Variants in TTC39B observed in about 807,000 individuals in gnomAD.
TTC39B encodes the protein tetratricopeptide repeat protein 39B.
Under a neutral mutation model 96.6 loss-of-function variants are expected in TTC39B, and 92 were observed. The ratio of observed to expected loss-of-function variants is 0.95; its 90% CI spans 0.80 to 1.13. The LOEUF is 1.13. Among genes scored for constraint, TTC39B ranks in the 50% most tolerant of loss-of-function variants. The pLI is 0.00. For synonymous variants in TTC39B, 367 were observed against 299.4 expected (o/e 1.23, Z -2.33); for missense variants, 955 against 809.3 (o/e 1.18, Z -2.18).
chr9:15,274,461 T>G (rs1252056511), intron 1 of TTC39B, among the ~76,000 whole-genome samples: 1 of 152,236 alleles, frequency 6.6e-6, no homozygotes, highest in African/African-American at 2.4e-5. Flanking sequence ...GCAAATGTAA[T>G]AATCAGCTTC....
chr9:15,184,630 C>T (rs1005029758), intron 16 of TTC39B, among the ~76,000 whole-genome samples: 3 of 152,184 alleles, frequency 2.0e-5, no homozygotes, highest in East Asian at 1.9e-4. Flanking sequence ...GCCTAAATGG[C>T]ATAAAGTTTA....
At chr9:15,203,853 G>A (rs1449403848) in exon 7 of TTC39B, 2 of 1,613,216 alleles carry the variant, frequency 1.2e-6, no homozygotes, top group African/African-American at 2.7e-5. Context: ...CTTTCTGTAG[G>A]AGACACTCGG....
intron 2 of TTC39B, among the ~76,000 whole-genome samples, chr9:15,246,450 A>T (rs1395525214): frequency 6.6e-6 from 1 of 152,098 alleles, no homozygotes; most frequent in African/African-American, 2.4e-5. Flanking sequence ...AAGGACAGAG[A>T]CCAAAAATTT....
intron 2 of TTC39B, among the ~76,000 whole-genome samples, chr9:15,254,796 A>G (rs1822687521): frequency 6.6e-6 from 1 of 151,716 alleles, no homozygotes; most frequent in Non-Finnish European, 1.5e-5. Context: ...GAATCCCTTA[A>G]GCCAATGGGA....
chr9:15,178,347 A>G (rs1033509326), intron 17 of TTC39B, among the ~76,000 whole-genome samples: 3 of 152,124 alleles, frequency 2.0e-5, no homozygotes, highest in Non-Finnish European at 4.4e-5. Flanking sequence ...CCAAGGTGGG[A>G]AGCTCACTTG....
At chr9:15,184,479 C>G (rs950643519) in intron 16 of TTC39B, among the ~76,000 whole-genome samples, 2 of 150,244 alleles carry the variant, frequency 1.3e-5, no homozygotes, top group Non-Finnish European at 2.9e-5. Flanking sequence ...ATCGGTTACA[C>G]TGAACAGCTT....
chr9:15,233,768 C>T (rs1353219032), intron 2 of TTC39B, among the ~76,000 whole-genome samples: 6 of 152,144 alleles, frequency 3.9e-5, no homozygotes, highest in Non-Finnish European at 7.4e-5. Flanking sequence ...AGCCTCTGCC[C>T]GGCCGCCACC....
chr9:15,302,072 C>T (rs984840198), intron 1 of TTC39B, among the ~76,000 whole-genome samples: 1 of 152,236 alleles, frequency 6.6e-6, no homozygotes, highest in South Asian at 2.1e-4. Context: ...CCTGTAATCC[C>T]AGCACATTGG....
At chr9:15,185,927 T>G (rs1226988574) in intron 15 of TTC39B, among the ~76,000 whole-genome samples, 4 of 152,198 alleles carry the variant, frequency 2.6e-5, no homozygotes, top group African/African-American at 4.8e-5. Context: ...AGAAAATGTT[T>G]CCCAAGCACA....
At chr9:15,299,569 G>T in intron 1 of TTC39B, among the ~76,000 whole-genome samples, 1 of 152,074 alleles carries the variant, frequency 6.6e-6, no homozygotes, top group East Asian at 1.9e-4. Context: ...GGTGGCCAAT[G>T]GGAGGCTCAA....
At chr9:15,169,495 C>T (rs1411322827) in exon 20 of TTC39B, 1 of 152,030 alleles carries the variant, frequency 6.6e-6, no homozygotes, top group African/African-American at 2.4e-5. Flanking sequence ...CACTGTCAGA[C>T]ACAATGGCAA....
chr9:15,306,586 A>G lies in TTC39B; in HGVS notation c.240+498T>C, dbSNP rs901007226. ...GGTACCCCTCTACTCATTGTTCCTC[A>G]GGCTGCCCCCTCTTTTCATCAATCG... is the stretch of plus-strand genomic sequence containing the variant. On this transcript the variant is annotated intron_variant, in intron 1 of 19. Transcript: ENST00000512701. This position sits in a 1 kb window ranked among gnomAD's most constrained non-coding sequence, Gnocchi z 5.1. Among the ~76,000 whole-genome samples the G allele has an allele frequency of 2.6e-4, 39 of 152,138 alleles. No homozygotes were observed. Among genetic ancestry groups the G allele is most frequent in the African/African-American group, 9.4e-4 (39 of 41,450 alleles).
At chr9:15,167,985 G>C (rs575745987) in exon 20 of TTC39B, 3 of 152,272 alleles carry the variant, frequency 2.0e-5, no homozygotes, top group Admixed American at 6.5e-5. Context: ...ACGATCAAAT[G>C]AAAGTTTAAG....
intron 2 of TTC39B, among the ~76,000 whole-genome samples, chr9:15,237,555 A>C (rs563826818): frequency 2.6e-5 from 4 of 152,232 alleles, no homozygotes; most frequent in African/African-American, 4.8e-5. Context: ...ATTCCTGAAA[A>C]CATACAAACT....
intron 8 of TTC39B, among the ~76,000 whole-genome samples, chr9:15,195,296 G>C (rs1038959237): frequency 6.6e-6 from 1 of 152,152 alleles, no homozygotes; most frequent in Non-Finnish European, 1.5e-5. Context: ...AAGGCTGAGA[G>C]AGGTGAGGAA....
chr9:15,166,815 G>T (rs1817525576), exon 20 of TTC39B: 1 of 150,890 alleles, frequency 6.6e-6, no homozygotes, highest in African/African-American at 2.4e-5. Flanking sequence ...TTTATTATTT[G>T]TAAGTAGTTT....
chr9:15,269,690 A>C (rs1410387830), intron 1 of TTC39B, among the ~76,000 whole-genome samples: 3 of 145,682 alleles, frequency 2.1e-5, no homozygotes. Context: ...TCTCTCTACT[A>C]AAAAATACAA....
At chr9:15,208,956 A>C (rs991602416) in intron 6 of TTC39B, among the ~76,000 whole-genome samples, 1 of 152,200 alleles carries the variant, frequency 6.6e-6, no homozygotes, top group Non-Finnish European at 1.5e-5. Flanking sequence ...GACCATTAGA[A>C]ACTACTCTGA....
chr9:15,305,684 G>A (rs1293228964), intron 1 of TTC39B, among the ~76,000 whole-genome samples: 1 of 149,846 alleles, frequency 6.7e-6, no homozygotes, highest in Non-Finnish European at 1.5e-5. Flanking sequence ...CTCCTCATCG[G>A]CTAATGCATC....
Sources: gnomAD v4.1 joint callset for allele counts (sites outside exome capture counted in the v4.1 genomes callset) on GRCh38, gnomAD v4.1.1 for gene constraint, Gnocchi (gnomAD v3.1) non-coding constraint, MANE v1.5 for transcripts, NCBI Gene and HGNC (gene_info 2026-07-23, HGNC 2026-07-21) for gene names.